Variants in PPP1R14C observed in about 807,000 individuals in gnomAD.
PPP1R14C encodes protein phosphatase 1 regulatory inhibitor subunit 14C, also known as protein phosphatase 1 regulatory subunit 14C.
In PPP1R14C, 16 loss-of-function variants were observed where a neutral mutation model predicts 20.4. That is an observed-to-expected ratio of 0.78 (90% CI 0.53 to 1.19). The LOEUF is 1.19. Among genes scored for constraint, PPP1R14C ranks in the 50% most tolerant of loss-of-function variants. The probability of loss-of-function intolerance (pLI) is 0.00; values close to 1 mark genes in which losing one functional copy is unlikely to be tolerated. For missense variants in PPP1R14C, 211 were observed against 220.1 expected (o/e 0.96, Z 0.26); for synonymous variants, 91 against 91.0 (o/e 1.00, Z 0.00).
In PPP1R14C at chr6:150,219,520, C is replaced by T. The variant is rs557236818; in HGVS notation, c.423+2664C>T. On this transcript the variant is annotated intron_variant, in intron 3 of 3. Coordinates refer to ENST00000361131, the MANE Select transcript of PPP1R14C (RefSeq NM_030949.3). ...CGTGAGTCACTGTGCCCGGCCATAA[C>T]GCTTGTCTTTGGTTTTGTCTAATAC... is the stretch of plus-strand genomic sequence containing the variant. Among the ~76,000 whole-genome samples, 17 of 152,138 alleles carry T rather than the reference C, an allele frequency of 1.1e-4. No individual in the cohort carries two copies. The East Asian group carries it at 1.8e-3, about 16-fold the overall frequency.
chr6:150,205,096 T>C (rs1014136044), intron 1 of PPP1R14C, among the ~76,000 whole-genome samples: 1 of 151,792 alleles, frequency 6.6e-6, no homozygotes, highest in Non-Finnish European at 1.5e-5. Context: ...GGGGAGAGAT[T>C]TGGGGGCACG....
Position 150,226,796 on chromosome 6 carries a change from A to G in PPP1R14C, c.423+9940A>G, listed in dbSNP as rs147586490. Reference sequence around the variant, plus strand: ...AAAGCCTATACATTGATAGGCATCCATTCATCCAGGATAACTAAGTCCGAG... The same window carrying G: ...AAAGCCTATACATTGATAGGCATCCGTTCATCCAGGATAACTAAGTCCGAG... On this transcript the variant is annotated intron_variant, in intron 3 of 3. Coordinates refer to ENST00000361131, the MANE Select transcript of PPP1R14C (RefSeq NM_030949.3). Among the ~76,000 whole-genome samples, 344 of 152,280 alleles carry G rather than the reference A, an allele frequency of 2.3e-3. 20 individuals carry two copies. In the East Asian group the frequency reaches 0.058, roughly 26 times the overall value.
chr6:150,171,097 A>C (rs1777494203), intron 1 of PPP1R14C, among the ~76,000 whole-genome samples: 1 of 152,048 alleles, frequency 6.6e-6, no homozygotes, highest in South Asian at 2.1e-4. Flanking sequence ...CTACGTTGAC[A>C]CACCATTATC....
At chr6:150,208,747 C>A (rs1777984328) in intron 1 of PPP1R14C, among the ~76,000 whole-genome samples, 2 of 152,304 alleles carry the variant, frequency 1.3e-5, no homozygotes, top group South Asian at 4.1e-4. Context: ...TATATTAAAT[C>A]TACCCTGTGG....
At chr6:150,195,746 T>A (rs1418639031) in intron 1 of PPP1R14C, 13 of 669,824 alleles carry the variant, frequency 1.9e-5, no homozygotes, top group Non-Finnish European at 1.7e-5. Flanking sequence ...TTACTATTTT[T>A]TTTTGCAACC....
At chr6:150,192,406 A>G (rs1443533965) in intron 1 of PPP1R14C, among the ~76,000 whole-genome samples, 1 of 152,046 alleles carries the variant, frequency 6.6e-6, no homozygotes, top group Non-Finnish European at 1.5e-5. Context: ...TGCAACCCAG[A>G]TCCCTTTCGT....
At chr6:150,160,346 G>C (rs1001071299) in intron 1 of PPP1R14C, among the ~76,000 whole-genome samples, 1 of 141,096 alleles carries the variant, frequency 7.1e-6, no homozygotes, top group African/African-American at 2.7e-5. Context: ...CTCACTGCAA[G>C]CTCCACCTCC....
chr6:150,186,699 G>A (rs1777680530), intron 1 of PPP1R14C, among the ~76,000 whole-genome samples: 1 of 152,196 alleles, frequency 6.6e-6, no homozygotes, highest in African/African-American at 2.4e-5. Flanking sequence ...TGAGGCGGGG[G>A]ATGACCTGAA....
At chr6:150,219,862 T>TTTG (rs10638377) in intron 3 of PPP1R14C, among the ~76,000 whole-genome samples, 17,488 of 151,944 alleles carry the variant, frequency 0.12, 1,884 homozygotes, top group African/African-American at 0.29. Flanking sequence ...GGCTTGTTTT[T>TTTG]TTGTTGTTTT....
intron 3 of PPP1R14C, among the ~76,000 whole-genome samples, chr6:150,221,222 T>A (rs1289776636): frequency 1.3e-5 from 2 of 152,208 alleles, no homozygotes; most frequent in East Asian, 1.9e-4. Flanking sequence ...CTAACATACA[T>A]TACTTTATTT....
chr6:150,187,540 T>C (rs1428365770), intron 1 of PPP1R14C, among the ~76,000 whole-genome samples: 1 of 152,142 alleles, frequency 6.6e-6, no homozygotes, highest in African/African-American at 2.4e-5. Context: ...TTTGGGAATG[T>C]GTGGTATTTG....
intron 3 of PPP1R14C, among the ~76,000 whole-genome samples, chr6:150,237,586 T>C (rs1778377955): frequency 1.3e-5 from 2 of 152,202 alleles, no homozygotes; most frequent in South Asian, 4.1e-4. Flanking sequence ...ATGATGACAG[T>C]ATCAAGCACT....
intron 1 of PPP1R14C, among the ~76,000 whole-genome samples, chr6:150,190,334 G>A (rs945765975): frequency 2.0e-5 from 3 of 151,554 alleles, no homozygotes; most frequent in Admixed American, 6.6e-5. Context: ...TTTCTCCACG[G>A]CACTTCCTCC....
At position 150,209,608 on chromosome 6, in the gene PPP1R14C, G is replaced by T. The variant is rs578223453; in HGVS notation, c.307-5136G>T. ...TATATATTTGTGTGTGTGTATGCAT[G>T]TGAGTGGTGTGGAGTGTGTGTATTC... On this transcript the variant is annotated intron_variant, in intron 1 of 3. Coordinates refer to ENST00000361131, the MANE Select transcript of PPP1R14C (RefSeq NM_030949.3). Among the ~76,000 whole-genome samples the T allele has an allele frequency of 3.8e-4, 57 of 151,574 alleles. 2 individuals are homozygous for T. In the South Asian group the frequency reaches 9.4e-3, roughly 25 times the overall value.
chr6:150,156,929 G>A (rs1323943202), intron 1 of PPP1R14C, among the ~76,000 whole-genome samples: 1 of 152,168 alleles, frequency 6.6e-6, no homozygotes, highest in Non-Finnish European at 1.5e-5. Context: ...TAAATGGAAA[G>A]GTTGTCACCT....
intron 3 of PPP1R14C, among the ~76,000 whole-genome samples, chr6:150,238,053 G>A (rs771841552): frequency 1.3e-5 from 2 of 152,210 alleles, no homozygotes; most frequent in African/African-American, 4.8e-5. Context: ...TCCACCTGCT[G>A]TTCTGTCCCT....
chr6:150,184,452 A>G (rs1366007631), intron 1 of PPP1R14C, among the ~76,000 whole-genome samples: 3 of 152,192 alleles, frequency 2.0e-5, no homozygotes, highest in South Asian at 4.1e-4. Context: ...TGTACCATCT[A>G]GATTGTGTAA....
rs564700791 is a variant in PPP1R14C, at chr6:150,209,845, G to A, written c.307-4899G>A. On this transcript the variant is annotated intron_variant, in intron 1 of 3. Transcript: ENST00000361131. The stretch of plus-strand genomic sequence containing the variant: ...TGTGTATGTTTGTGTATATATTTGT[G>A]TGTGTGTGTGTGTGGATGTGAGTGT... Among the ~76,000 whole-genome samples the A allele has an allele frequency of 6.9e-3, 1,048 of 151,344 alleles. 11 individuals are homozygous for A. The highest frequency in any genetic ancestry group is 0.024 in the African/African-American group (994 of 41,168).
chr6:150,232,417 T>A (rs1341482966), intron 3 of PPP1R14C, among the ~76,000 whole-genome samples: 2 of 152,234 alleles, frequency 1.3e-5, no homozygotes, highest in African/African-American at 2.4e-5. Context: ...AAGTTTTAAA[T>A]TTTAATTGAA....
Sources: gnomAD v4.1 joint callset for allele counts (sites outside exome capture counted in the v4.1 genomes callset) on GRCh38, gnomAD v4.1.1 for gene constraint, MANE v1.5 for transcripts, NCBI Gene and HGNC (gene_info 2026-07-23, HGNC 2026-07-21) for gene names.